Variants in NUP210L observed in about 807,000 individuals in gnomAD.
NUP210L encodes nuclear pore membrane glycoprotein 210-like.
In NUP210L, 74 loss-of-function variants were observed where a neutral mutation model predicts 208.5. That is an observed-to-expected ratio of 0.35 (90% CI 0.29 to 0.43). The LOEUF is 0.43. NUP210L is among the 20% of genes least tolerant of loss of function. The pLI is 1.00. For missense variants in NUP210L, 1,843 were observed against 2,289.4 expected, an observed-to-expected ratio of 0.81 and a Z score of 3.98; for synonymous variants, 780 against 816.9, an observed-to-expected ratio of 0.95 and a Z score of 0.77.
chr1:154,103,625 T>C, intron 13 of NUP210L, among the ~76,000 whole-genome samples: 1 of 131,976 alleles, frequency 7.6e-6, no homozygotes, highest in Middle Eastern at 3.9e-3. Context: ...TGAGCCGAGA[T>C]CGCGCCACTG....
At chr1:154,103,473 C>A (rs1349737299) in intron 13 of NUP210L, among the ~76,000 whole-genome samples, 1 of 150,762 alleles carries the variant, frequency 6.6e-6, no homozygotes, top group Non-Finnish European at 1.5e-5. Context: ...GAGATCGAGA[C>A]CATCCTGGCT....
intron 7 of NUP210L, 57 bp from the exon 8 acceptor site, chr1:154,129,402 C>A: frequency 1.0e-6 from 1 of 999,752 alleles, no homozygotes; most frequent in South Asian, 1.4e-5. Flanking sequence ...AGGTGAGGTA[C>A]CAAAGGAGAA....
chr1:154,063,726 T>C (rs1654254928), intron 17 of NUP210L, among the ~76,000 whole-genome samples: 1 of 152,064 alleles, frequency 6.6e-6, no homozygotes, highest in Admixed American at 6.6e-5. Flanking sequence ...GAAGATTATG[T>C]GAAAAAGTGT....
chr1:154,143,552 A>T, exon 3 of NUP210L: 4 of 1,613,882 alleles, frequency 2.5e-6, no homozygotes, highest in Non-Finnish European at 3.4e-6. Flanking sequence ...CAACCTTAAC[A>T]TCACAGCGTA....
At chr1:154,032,893 G>A (rs1571193559) in intron 27 of NUP210L, among the ~76,000 whole-genome samples, 1 of 149,576 alleles carries the variant, frequency 6.7e-6, no homozygotes, top group South Asian at 2.1e-4. Flanking sequence ...ACTCCAGATT[G>A]CGCCACTGCA....
At chr1:154,008,581 C>T (rs1194233769) in intron 35 of NUP210L, among the ~76,000 whole-genome samples, 2 of 152,108 alleles carry the variant, frequency 1.3e-5, no homozygotes, top group Admixed American at 6.6e-5. Context: ...GTGACACGCG[C>T]CTGTAATCCC....
In NUP210L at chr1:154,113,165, A is replaced by T. The variant is rs568009237; in HGVS notation, c.1620+4560T>A. 6.2e-3 allele frequency among the ~76,000 whole-genome samples: 788 copies of T among 126,278 alleles called. 14 individuals are homozygous for T. Among genetic ancestry groups the T allele is most frequent in the Admixed American group, 0.039 (495 of 12,672 alleles). 82.8% of individuals were successfully genotyped at this position (126,278 alleles called of 152,430 possible). A position where few individuals can be genotyped will look rare whatever the true frequency, so the allele number is the denominator to read the frequency against. ...GGAGAGAAACCCTCTCTTAAAAAAA[A>T]AAATATATATATATATATAAAATTT... On this transcript the variant is annotated intron_variant, in intron 12 of 39. Transcript: ENST00000368559.
chr1:154,094,022 G>A (rs986215489), intron 15 of NUP210L, among the ~76,000 whole-genome samples: 1 of 152,094 alleles, frequency 6.6e-6, no homozygotes, highest in African/African-American at 2.4e-5. Context: ...GGTTGCTCAC[G>A]CCTGTAATCC....
intron 27 of NUP210L, among the ~76,000 whole-genome samples, chr1:154,033,798 T>C (rs1652382145): frequency 6.6e-6 from 1 of 152,320 alleles, no homozygotes; most frequent in Admixed American, 6.5e-5. Context: ...GTCACTGGTA[T>C]TTTGATAGGG....
At chr1:154,083,549 C>T (rs1490455644) in intron 16 of NUP210L, among the ~76,000 whole-genome samples, 4 of 152,054 alleles carry the variant, frequency 2.6e-5, no homozygotes, top group Non-Finnish European at 4.4e-5. Flanking sequence ...GAGCCCTCAA[C>T]CTGTGAGATC....
chr1:154,096,709 T>C (rs559483377), intron 14 of NUP210L, among the ~76,000 whole-genome samples: 31 of 151,058 alleles, frequency 2.1e-4, no homozygotes, highest in Admixed American at 3.3e-4. Flanking sequence ...ACCAAGATTG[T>C]GCCATTGCAC....
chr1:153,994,379 A>C (rs907263772), intron 38 of NUP210L, among the ~76,000 whole-genome samples: 3 of 151,850 alleles, frequency 2.0e-5, no homozygotes, highest in Non-Finnish European at 2.9e-5. Context: ...CAGTGGCACG[A>C]TCTTGGCTCA....
chr1:154,146,690 G>T (rs1659132822), intron 2 of NUP210L, among the ~76,000 whole-genome samples: 1 of 139,486 alleles, frequency 7.2e-6, no homozygotes, highest in Non-Finnish European at 1.5e-5. Flanking sequence ...AGTGGGTAAA[G>T]CTTCAAGGAG....
chr1:154,050,876 T>TA, intron 25 of NUP210L, among the ~76,000 whole-genome samples: 1 of 152,210 alleles, frequency 6.6e-6, no homozygotes, highest in Non-Finnish European at 1.5e-5. Flanking sequence ...GCTCAAAAGG[T>TA]AAAGTTTTTC....
In NUP210L at chr1:154,127,231, A is replaced by G. The variant is rs1029282521; in HGVS notation, c.1185+80T>C. On this transcript the variant is annotated intron_variant, in intron 9 of 39. Transcript: ENST00000368559. ...ATCAAAGAAAGAAAGAGGGCTTTCTAGCCAGGAAGATGGTCCACTTTACAT... is the reference window on the plus strand; with the variant it reads ...ATCAAAGAAAGAAAGAGGGCTTTCTGGCCAGGAAGATGGTCCACTTTACAT... The G allele has an allele frequency of 1.1e-5, 6 of 559,122 alleles. No homozygotes were observed. In the Admixed American group the frequency reaches 2.1e-4, roughly 19 times the overall value. The allele number at this position is 559,122 out of a possible 1,614,324, so 34.6% of individuals were successfully genotyped here.
At chr1:154,035,401 A>G (rs1253086797) in intron 27 of NUP210L, among the ~76,000 whole-genome samples, 1 of 140,370 alleles carries the variant, frequency 7.1e-6, no homozygotes, top group Non-Finnish European at 1.6e-5. Flanking sequence ...AATTTTTTCT[A>G]CTTTTTTTTT....
chr1:154,065,744 T>A (rs947746065), intron 17 of NUP210L, among the ~76,000 whole-genome samples: 1 of 151,648 alleles, frequency 6.6e-6, no homozygotes, highest in Admixed American at 6.6e-5. Context: ...ATACAAAAAA[T>A]TAGCTGGGCA....
chr1:154,005,586 G>T (rs1166429161), intron 35 of NUP210L, among the ~76,000 whole-genome samples: 3 of 151,752 alleles, frequency 2.0e-5, no homozygotes, highest in African/African-American at 7.3e-5. Context: ...GCCTAGGCTG[G>T]AGTGCAATGA....
chr1:154,061,378 AAATAATAAT>A (rs537711266), intron 18 of NUP210L, among the ~76,000 whole-genome samples, 199 bp downstream of exon 18: 13 of 150,140 alleles, frequency 8.7e-5, no homozygotes, highest in Non-Finnish European at 1.3e-4. Flanking sequence ...ACTTCATCTC[AAATAATAAT>A]AATAATAATA....
Sources: allele counts gnomAD v4.1 joint callset (sites outside exome capture counted in the v4.1 genomes callset), GRCh38; gene constraint gnomAD v4.1.1; transcripts MANE v1.5; gene names NCBI Gene and HGNC (gene_info 2026-07-23, HGNC 2026-07-21).